Variants in RELN observed in about 807,000 individuals in gnomAD.
RELN encodes the protein reelin.
RELN carries 108 observed loss-of-function variants against 427.6 expected under a neutral mutation model. The observed-to-expected ratio is 0.25, with a 90% CI of 0.22 to 0.30. The LOEUF is 0.30. RELN is among the 10% of genes least tolerant of loss of function. The probability of loss-of-function intolerance (pLI) is 1.00; values close to 1 mark genes in which losing one functional copy is unlikely to be tolerated. For synonymous variants in RELN, 1,524 were observed against 1,513.4 expected (o/e 1.01, Z -0.16); for missense variants, 3,715 against 4,302.8 (o/e 0.86, Z 3.82).
Position 103,884,640 on chromosome 7 carries a change from C to A in RELN, c.337+32435G>T, listed in dbSNP as rs1291057988. Reference sequence around the variant, plus strand: ...GGGTGAAGGATATGAACAGACACTTCTCAAAAGAAGACATTTATGCACCCA... The same window carrying A: ...GGGTGAAGGATATGAACAGACACTTATCAAAAGAAGACATTTATGCACCCA... On this transcript the variant is annotated intron_variant, in intron 2 of 64. Coordinates refer to ENST00000428762, the MANE Select transcript of RELN (RefSeq NM_005045.4). 7.2e-5 allele frequency among the ~76,000 whole-genome samples: 11 copies of A among 152,258 alleles called. No homozygotes were observed. The South Asian group carries it at 2.3e-3, about 32-fold the overall frequency.
At chr7:103,562,534 G>T (rs1472571480) in intron 34 of RELN, among the ~76,000 whole-genome samples, 1 of 152,158 alleles carries the variant, frequency 6.6e-6, no homozygotes, top group African/African-American at 2.4e-5. Flanking sequence ...TCTGTTATTT[G>T]GAGTATCTTG....
intron 2 of RELN, among the ~76,000 whole-genome samples, chr7:103,889,342 G>T (rs1054032217): frequency 1.3e-5 from 2 of 152,182 alleles, no homozygotes; most frequent in Non-Finnish European, 2.9e-5. Flanking sequence ...TACCCATTAA[G>T]AGCACTGACA....
rs71154386 is a variant in RELN, at chr7:103,989,383, G to GCCGCCGC, written c.-28_-27insGCGGCGG. ...CCGCCGCCGCCGCCGCCGCCGCCGC[G>GCCGCCGC]CGCCCTACGCGCCGCTCGCTCATTC... is the stretch of plus-strand genomic sequence containing the variant. On this transcript the variant is annotated 5_prime_UTR_variant, in exon 1 of 65. Coordinates refer to ENST00000428762, the MANE Select transcript of RELN (RefSeq NM_005045.4). This position sits in a 1 kb window ranked among gnomAD's most constrained non-coding sequence, Gnocchi z 4.9. 9.0e-5 allele frequency: 56 copies of GCCGCCGC among 625,326 alleles called. No individual in the cohort carries two copies. The highest frequency in any genetic ancestry group is 2.4e-4 in the African/African-American group (6 of 24,668). 38.7% of individuals were successfully genotyped at this position (625,326 alleles called of 1,614,324 possible).
At chr7:103,978,184 T>C (rs577298371) in intron 1 of RELN, among the ~76,000 whole-genome samples, 62 of 152,204 alleles carry the variant, frequency 4.1e-4, no homozygotes, top group Admixed American at 1.2e-3. Context: ...GTATTCTTCC[T>C]AACCGAAATT....
intron 8 of RELN, among the ~76,000 whole-genome samples, chr7:103,714,244 A>G (rs1437653074): frequency 1.3e-5 from 2 of 152,218 alleles, no homozygotes; most frequent in East Asian, 1.9e-4. Flanking sequence ...AAATTTTATA[A>G]AAGTATAATT....
intron 8 of RELN, among the ~76,000 whole-genome samples, chr7:103,716,412 G>A (rs753564775): frequency 2.6e-5 from 4 of 152,098 alleles, no homozygotes; most frequent in African/African-American, 4.8e-5. Flanking sequence ...TACAGGGAAC[G>A]TAAGCACATT....
rs1419923576 is a variant in RELN, at chr7:103,626,085, T to C, written c.2702+3855A>G. ...AGCTAGAAGTCAGGGATGTTTGTCA[T>C]ACATTACTAACAAAACTCAGTTATT... On this transcript the variant is annotated intron_variant, in intron 20 of 64. Transcript: ENST00000428762. The surrounding 1 kb of genome is among the most constrained non-coding windows in gnomAD (Gnocchi z 4.4). 1.3e-5 allele frequency among the ~76,000 whole-genome samples: 2 copies of C among 152,112 alleles called. No homozygotes were observed. The highest frequency in any genetic ancestry group is 1.9e-4 in the East Asian group (1 of 5,208).
In RELN at chr7:103,594,401, G is replaced by C; in HGVS notation, c.3631C>G (p.Gln1211Glu). The part of the protein sequence containing the change: ...QPVFSGEDYD[Q>E]WAVDDIIILS... ...ATGATGATGTCATCGACTGCCCACT[G>C]GTCATAGTCCTCCCCTGAGAACACG... Residue 1211 changes from glutamine to glutamate, a missense_variant, in exon 26 of 65, where the codon CAG becomes GAG. Around this residue, in one of 4 missense-constraint regions of RELN, gnomAD observed 2,208 missense variants for 2,361.7 expected, o/e 0.93. Coordinates refer to ENST00000428762, the MANE Select transcript of RELN (RefSeq NM_005045.4). 1.9e-6 allele frequency: 3 copies of C among 1,614,014 alleles called. No individual in the cohort carries two copies. Among genetic ancestry groups the C allele is most frequent in the East Asian group, 2.2e-5 (1 of 44,872 alleles).
intron 2 of RELN, among the ~76,000 whole-genome samples, chr7:103,903,100 C>G (rs1795117490): frequency 6.6e-6 from 1 of 152,004 alleles, no homozygotes; most frequent in Non-Finnish European, 1.5e-5. Context: ...CAAGAGTAAA[C>G]CACACTACAA....
At chr7:103,902,480 T>A (rs2116623292) in intron 2 of RELN, among the ~76,000 whole-genome samples, 1 of 152,154 alleles carries the variant, frequency 6.6e-6, no homozygotes, top group South Asian at 2.1e-4. Context: ...ATAACATAAT[T>A]AACTTGATAA....
intron 2 of RELN, among the ~76,000 whole-genome samples, chr7:103,907,547 T>C (rs1031227164): frequency 2.7e-4 from 40 of 149,164 alleles, no homozygotes; most frequent in African/African-American, 9.4e-4. Context: ...GCCTAGGGGC[T>C]GAGGGGAGAA....
chr7:103,980,372 C>A (rs986076995), intron 1 of RELN, among the ~76,000 whole-genome samples: 1 of 151,916 alleles, frequency 6.6e-6, no homozygotes, highest in Non-Finnish European at 1.5e-5. Context: ...CTTATGGGTA[C>A]GAAATTCCAG....
intron 17 of RELN, 27 bp from the exon 18 acceptor site, chr7:103,636,495 C>G: frequency 6.8e-7 from 1 of 1,463,106 alleles, no homozygotes; most frequent in Non-Finnish European, 9.6e-7. Context: ...GAAATTAAAT[C>G]TTAAACTGTT....
chr7:103,540,534 T>A, intron 43 of RELN, 79 bp from the exon 44 acceptor site: 2 of 1,392,554 alleles, frequency 1.4e-6, no homozygotes, highest in Non-Finnish European at 2.0e-6. Flanking sequence ...GCACATGGGG[T>A]AATGCAGGGG....
chr7:103,680,509 CT>C (rs75029362), intron 11 of RELN, among the ~76,000 whole-genome samples: 275 of 144,112 alleles, frequency 1.9e-3, no homozygotes, highest in Middle Eastern at 3.6e-3. Context: ...TCGAATTGGT[CT>C]TTTTTTTTTT....
rs753946937 is a variant in RELN, at chr7:103,682,267, G to A, written c.1144-6C>T. On this transcript the variant is annotated splice_polypyrimidine_tract_variant and splice_region_variant and intron_variant, in intron 10 of 64. Transcript: ENST00000428762. ...CCATCTGACTGACAGCTATGCTGTA[G>A]GTGAAAAGAGAGCACGGGGTGGCTG... 6.2e-7 allele frequency: 1 copy of A among 1,613,894 alleles called. No homozygotes were observed. Among genetic ancestry groups the A allele is most frequent in the Non-Finnish European group, 8.5e-7 (1 of 1,179,814 alleles).
At chr7:103,644,693 C>T (rs894285552) in intron 16 of RELN, among the ~76,000 whole-genome samples, 8 of 151,742 alleles carry the variant, frequency 5.3e-5, no homozygotes, top group African/African-American at 1.7e-4. Context: ...AGCAAAAACT[C>T]TGGAAAGTCT....
intron 3 of RELN, among the ~76,000 whole-genome samples, chr7:103,792,366 T>C (rs923723430): frequency 6.6e-6 from 1 of 152,168 alleles, no homozygotes; most frequent in African/African-American, 2.4e-5. Flanking sequence ...TATATATCCA[T>C]ACAACGGAAT....
chr7:103,542,778 A>G lies in RELN; in HGVS notation c.6624T>C (p.Asp2208=), dbSNP rs775403428. Residue 2208 remains aspartate, a synonymous_variant, in exon 43 of 65, where the codon GAT becomes GAC. Coordinates refer to ENST00000428762, the MANE Select transcript of RELN (RefSeq NM_005045.4). ...SSGNNLFFNE[D]GLRMLMTRDL... ...CTCGTGTCATCAACATGCGCAAGCC[A>G]TCTTCATTGAAAAAGAGGTTGTTTC... 8 of 1,614,174 alleles carry G rather than the reference A, an allele frequency of 5.0e-6. No individual in the cohort carries two copies. The highest frequency in any genetic ancestry group is 2.2e-5 in the South Asian group (2 of 91,078).
Sources: allele counts gnomAD v4.1 joint callset (sites outside exome capture counted in the v4.1 genomes callset), GRCh38; gene constraint gnomAD v4.1.1; regional missense constraint gnomAD v4.1.1; non-coding constraint Gnocchi (gnomAD v3.1); transcripts MANE v1.5; gene names NCBI Gene and HGNC (gene_info 2026-07-23, HGNC 2026-07-21).